Variants in SHPK observed in about 807,000 individuals in gnomAD.
SHPK encodes the protein sedoheptulokinase, also known as carbohydrate kinase-like protein.
Under a neutral mutation model 46.3 loss-of-function variants are expected in SHPK, and 51 were observed. That is an observed-to-expected ratio of 1.10 (90% confidence interval 0.88 to 1.39). The LOEUF (loss-of-function observed/expected upper bound fraction) is 1.39. SHPK is among the 40% of genes most tolerant of loss of function. The pLI, the probability that SHPK is intolerant of heterozygous loss-of-function variation, is 0.00. For missense variants in SHPK, 668 were observed against 641.3 expected, an observed-to-expected ratio of 1.04 and a Z score of -0.45; for synonymous variants, 290 against 273.9, an observed-to-expected ratio of 1.06 and a Z score of -0.58.
intron 1 of SHPK, among the ~76,000 whole-genome samples, chr17:3,634,233 C>T (rs970927558): frequency 2.3e-4 from 35 of 149,368 alleles, no homozygotes; most frequent in Non-Finnish European, 7.4e-5. Flanking sequence ...TGCCAAATCC[C>T]CCTCTGCGAG....
At position 3,609,149 on chromosome 17, in the gene SHPK, G is replaced by C. The variant is rs1567679462; in HGVS notation, c.*1411C>G. On this transcript the variant is annotated 3_prime_UTR_variant, in exon 7 of 7. Coordinates refer to ENST00000225519, the MANE Select transcript of SHPK (RefSeq NM_013276.4). The stretch of plus-strand genomic sequence containing the variant: ...GATTCACCCACTTGGGCTTCCCAAA[G>C]TGCTGGGATTACAGGCGGGAGCCAA... The C allele has an allele frequency of 1.3e-5, 2 of 152,242 alleles. No homozygotes were observed. Among genetic ancestry groups the C allele is most frequent in the Non-Finnish European group, 2.9e-5 (2 of 68,060 alleles). 9.4% of individuals were successfully genotyped at this position (152,242 alleles called of 1,614,324 possible). A position where few individuals can be genotyped will look rare whatever the true frequency, so the allele number is the denominator to read the frequency against.
intron 1 of SHPK, 26 bp downstream of exon 1, chr17:3,636,026 G>T: frequency 1.3e-6 from 2 of 1,515,302 alleles, no homozygotes; most frequent in South Asian, 1.2e-5. Context: ...TCCTGGAGGC[G>T]GCGCGGCCCC....
Position 3,632,198 on chromosome 17 carries a change from G to T in SHPK, c.169-1852C>A, listed in dbSNP as rs376475601. 8.1e-4 allele frequency among the ~76,000 whole-genome samples: 123 copies of T among 151,190 alleles called. 4 individuals carry two copies. In the South Asian group the frequency reaches 0.024, roughly 29 times the overall value. On this transcript the variant is annotated intron_variant, in intron 1 of 6. Coordinates refer to ENST00000225519, the MANE Select transcript of SHPK (RefSeq NM_013276.4). ...TCTCGATCTCTTGACCTCGTGATTC[G>T]CCCGCCTCGGCCTCCCAAAGTGCTG...
intron 6 of SHPK, among the ~76,000 whole-genome samples, chr17:3,614,619 G>A (rs866475449): frequency 2.2e-4 from 33 of 152,040 alleles, no homozygotes; most frequent in African/African-American, 7.2e-4. Flanking sequence ...AGGCCGAGGC[G>A]GGTGGATCAC....
intron 6 of SHPK, 86 bp from the exon 7 acceptor site, chr17:3,611,058 A>ATTCT: frequency 7.7e-7 from 1 of 1,296,554 alleles, no homozygotes; most frequent in Non-Finnish European, 1.1e-6. Flanking sequence ...CAGGGTGGGA[A>ATTCT]CAGCGCTACT....
chr17:3,620,468 G>A (rs374303990), intron 5 of SHPK, among the ~76,000 whole-genome samples: 32 of 151,350 alleles, frequency 2.1e-4, no homozygotes, highest in African/African-American at 5.1e-4. Flanking sequence ...GGGTTTCACC[G>A]TGTTAGCCAG....
intron 2 of SHPK, among the ~76,000 whole-genome samples, chr17:3,628,887 A>G (rs541163946): frequency 3.9e-5 from 6 of 152,096 alleles, no homozygotes; most frequent in African/African-American, 1.4e-4. Context: ...GGCCTCAAGC[A>G]ATACTCCTCC....
intron 5 of SHPK, among the ~76,000 whole-genome samples, chr17:3,618,529 C>A (rs1024370074): frequency 1.3e-5 from 2 of 152,072 alleles, no homozygotes; most frequent in Non-Finnish European, 2.9e-5. Flanking sequence ...CGCCTGTAAT[C>A]CCAGCACTTT....
rs1486577608 is a variant in SHPK, at chr17:3,609,507, C to T, written c.*1053G>A. 3.3e-5 allele frequency: 5 copies of T among 152,138 alleles called. No individual in the cohort carries two copies. Among genetic ancestry groups the T allele is most frequent in the Admixed American group, 1.3e-4 (2 of 15,254 alleles). The allele number at this position is 152,138 out of a possible 1,614,324, so 9.4% of individuals were successfully genotyped here. On this transcript the variant is annotated 3_prime_UTR_variant, in exon 7 of 7. Coordinates refer to ENST00000225519, the MANE Select transcript of SHPK (RefSeq NM_013276.4). ...TCCCTACCAATCACAAGAAGGCTTA[C>T]AACGCTCTGGGATCCCTACAGGGAT...
intron 5 of SHPK, among the ~76,000 whole-genome samples, chr17:3,615,850 AT>A (rs201449504): frequency 0.24 from 26,245 of 107,206 alleles, 3,760 homozygotes; most frequent in African/African-American, 0.45. Context: ...GATCAAAGGA[AT>A]TTTTTTTTTT....
At position 3,610,901 on chromosome 17, in the gene SHPK, G is replaced by T. The variant is rs761662546; in HGVS notation, c.1096C>A (p.Leu366Met). The change falls in exon 7 of 7, where the codon CTG (leucine) becomes ATG (methionine). Residue 366 changes from leucine (L) to methionine (M), a missense_variant. By Grantham distance (15) the Leu-to-Met change is conservative (BLOSUM62 2). Coordinates refer to ENST00000225519, the MANE Select transcript of SHPK (RefSeq NM_013276.4). ...CCCAGCACTGTCGGGGTGATGGTCA[G>T]GTGGGTATCTCTCTGCTGCACAGCT... ...QAAVQQRDTH[L>M]TITPTVLGER... The T allele has an allele frequency of 1.2e-6, 2 of 1,614,020 alleles. No homozygotes were observed. The highest frequency in any genetic ancestry group is 1.7e-5 in the Admixed American group (1 of 60,020).
rs1008700902 is a variant in SHPK, at chr17:3,636,052, C to T, written c.168G>A (p.Gln56=). The T allele has an allele frequency of 6.4e-6, 10 of 1,555,908 alleles. No homozygotes were observed. Among genetic ancestry groups the T allele is most frequent in the Non-Finnish European group, 8.7e-6 (10 of 1,153,124 alleles). Residue 56 remains glutamine, a splice_region_variant and synonymous_variant, in exon 1 of 7, where the codon CAG becomes CAA. Coordinates refer to ENST00000225519, the MANE Select transcript of SHPK (RefSeq NM_013276.4). ...GCGCGGCCCCGGGGGTCCAACTCACCTGGGGCCCGGCCACCGCGCTCTCGA... is the reference window on the plus strand; with the variant it reads ...GCGCGGCCCCGGGGGTCCAACTCACTTGGGGCCCGGCCACCGCGCTCTCGA... ...AAVESAVAGP[Q]GREQDVSRIL...
At chr17:3,627,970 T>G (rs909179908) in intron 2 of SHPK, among the ~76,000 whole-genome samples, 2 of 151,942 alleles carry the variant, frequency 1.3e-5, no homozygotes, top group African/African-American at 4.8e-5. Context: ...GCGGGTCTGA[T>G]GATAGCCGGA....
chr17:3,631,512 C>CTTTTTTTTTTTTTTTT lies in SHPK; in HGVS notation c.169-1182_169-1167dup, dbSNP rs371958939. 4.9e-4 allele frequency among the ~76,000 whole-genome samples: 26 copies of CTTTTTTTTTTTTTTTT among 53,052 alleles called. 11 individuals carry two copies. Among genetic ancestry groups the CTTTTTTTTTTTTTTTT allele is most frequent in the African/African-American group, 2.1e-3 (24 of 11,294 alleles). 34.8% of individuals were successfully genotyped at this position (53,052 alleles called of 152,430 possible). On this transcript the variant is annotated intron_variant, in intron 1 of 6. Coordinates refer to ENST00000225519, the MANE Select transcript of SHPK (RefSeq NM_013276.4). The stretch of plus-strand genomic sequence containing the variant: ...AAAATATACACTATCTAATTTAATG[C>CTTTTTTTTTTTTTTTT]TTTTTTTTTTTTTTTTTTTTTTTTT...
chr17:3,608,778 A>G lies in SHPK; in HGVS notation c.*1782T>C, dbSNP rs1488969882. The stretch of plus-strand genomic sequence containing the variant: ...AGGCTTTTCTGAGGATGATCTACGA[A>G]TTCTCCCCAGAGCACTTCAACCTCC... On this transcript the variant is annotated 3_prime_UTR_variant, in exon 7 of 7. Transcript: ENST00000225519. 6.6e-6 allele frequency: 1 copy of G among 152,072 alleles called. No homozygotes were observed. The highest frequency in any genetic ancestry group is 6.6e-5 in the Admixed American group (1 of 15,262). The allele number at this position is 152,072 out of a possible 1,614,324, so 9.4% of individuals were successfully genotyped here.
rs1597562577 is a variant in SHPK, at chr17:3,608,664, T to C, written c.*1896A>G. ...GGTTGACCGCAGATAACTGAACCCATGGAAAGTGACACCGTGGATAAGGGG... is the reference window on the plus strand; with the variant it reads ...GGTTGACCGCAGATAACTGAACCCACGGAAAGTGACACCGTGGATAAGGGG... On this transcript the variant is annotated 3_prime_UTR_variant, in exon 7 of 7. Transcript: ENST00000225519. 2 of 152,110 alleles carry C rather than the reference T, an allele frequency of 1.3e-5. No homozygotes were observed. The highest frequency in any genetic ancestry group is 2.1e-4 in the South Asian group (1 of 4,830). 9.4% of individuals were successfully genotyped at this position (152,110 alleles called of 1,614,324 possible). A position where few individuals can be genotyped will look rare whatever the true frequency, so the allele number is the denominator to read the frequency against.
At chr17:3,622,050 A>G (rs1318024827) in intron 4 of SHPK, among the ~76,000 whole-genome samples, 2 of 152,032 alleles carry the variant, frequency 1.3e-5, no homozygotes, top group Non-Finnish European at 2.9e-5. Context: ...TCCCAGGCTC[A>G]AGCAATTCTC....
chr17:3,617,862 C>A (rs1057115910), intron 5 of SHPK, among the ~76,000 whole-genome samples: 3 of 152,158 alleles, frequency 2.0e-5, no homozygotes, highest in Non-Finnish European at 4.4e-5. Context: ...AAAAGTCAGG[C>A]TCTCAGATTA....
At position 3,619,554 on chromosome 17, in the gene SHPK, G is replaced by A. The variant is rs564982807; in HGVS notation, c.823+1683C>T. The A allele has an allele frequency of 3.4e-4, 161 of 467,958 alleles. 1 individual carries two copies. Among genetic ancestry groups the A allele is most frequent in the South Asian group, 3.0e-3 (151 of 50,778 alleles). The allele number at this position is 467,958 out of a possible 1,614,324, so 29.0% of individuals were successfully genotyped here. On this transcript the variant is annotated intron_variant, in intron 5 of 6. Transcript: ENST00000225519. ...TTGAGACCATCCTGGCCAACATGGT[G>A]AAACCCCGTGTCTACTAAAAATGCA... is the stretch of plus-strand genomic sequence containing the variant.
Sources: allele counts gnomAD v4.1 joint callset (sites outside exome capture counted in the v4.1 genomes callset), GRCh38; gene constraint gnomAD v4.1.1; transcripts MANE v1.5; gene names NCBI Gene and HGNC (gene_info 2026-07-23, HGNC 2026-07-21).